Variants in ADAMTS12 observed in about 807,000 individuals in gnomAD.
ADAMTS12 encodes ADAM metallopeptidase with thrombospondin type 1 motif 12, also known as A disintegrin and metalloproteinase with thrombospondin motifs 12.
ADAMTS12 carries 118 observed loss-of-function variants against 167.8 expected under a neutral mutation model. The observed-to-expected ratio is 0.70, with a 90% CI of 0.61 to 0.82. ADAMTS12 has a LOEUF of 0.82. Ranked by LOEUF, ADAMTS12 falls within the 40% of genes least tolerant of loss-of-function variation. The pLI, the probability that ADAMTS12 is intolerant of heterozygous loss-of-function variation, is 0.00. For synonymous variants in ADAMTS12, 704 were observed against 716.9 expected (o/e 0.98, Z 0.29); for missense variants, 1,916 against 1,998.8 (o/e 0.96, Z 0.79).
chr5:33,577,091 A>T lies in ADAMTS12; in HGVS notation c.2935T>A (p.Cys979Ser). ...CTGTTGGGTTTCCTTGTCACATCGC[A>T]AGGTTCATCATGGTTCTTGGCACAT... is the stretch of plus-strand genomic sequence containing the variant. ...VTCAKNHDEP[C>S]DVTRKPNSRA... Residue 979 changes from cysteine (C) to serine (S), a missense_variant, in exon 19 of 24, where the codon TGC becomes AGC. Coordinates refer to ENST00000504830, the MANE Select transcript of ADAMTS12 (RefSeq NM_030955.4). 6.2e-7 allele frequency: 1 copy of T among 1,614,166 alleles called. No homozygotes were observed. The highest frequency in any genetic ancestry group is 2.2e-5 in the East Asian group (1 of 44,878).
At chr5:33,681,720 G>A (rs760234123) in intron 5 of ADAMTS12, among the ~76,000 whole-genome samples, 33 of 152,160 alleles carry the variant, frequency 2.2e-4, no homozygotes, top group Non-Finnish European at 4.1e-4. Context: ...GCATTTACAC[G>A]GGGCATAAGG....
chr5:33,880,923 C>T (rs1018958928), intron 2 of ADAMTS12, 196 bp downstream of exon 2: 1 of 738,080 alleles, frequency 1.4e-6, no homozygotes, highest in Non-Finnish European at 2.1e-6. Flanking sequence ...AGTGCCCTTA[C>T]TCTTTGTATC....
At chr5:33,614,186 C>T (rs917468983) in intron 16 of ADAMTS12, 52 bp downstream of exon 16, 4 of 1,595,150 alleles carry the variant, frequency 2.5e-6, no homozygotes, top group Non-Finnish European at 3.4e-6. Context: ...ATCACCTCTA[C>T]AAACTGCTCT....
At chr5:33,890,290 C>T (rs572253087) in intron 1 of ADAMTS12, among the ~76,000 whole-genome samples, 1 of 152,288 alleles carries the variant, frequency 6.6e-6, no homozygotes, top group South Asian at 2.1e-4. Context: ...GGAGACTTTT[C>T]ACAAAGGAAC....
intron 20 of ADAMTS12, 40 bp downstream of exon 20, chr5:33,560,987 C>T: frequency 6.2e-7 from 1 of 1,607,928 alleles, no homozygotes; most frequent in Non-Finnish European, 8.5e-7. Context: ...CCATCCCCAC[C>T]TTCTCTACCT....
At chr5:33,884,858 T>G (rs1472794770) in intron 1 of ADAMTS12, among the ~76,000 whole-genome samples, 2 of 152,182 alleles carry the variant, frequency 1.3e-5, no homozygotes, top group Admixed American at 1.3e-4. Context: ...TGCATCTCCA[T>G]CAAAACAGAA....
intron 3 of ADAMTS12, among the ~76,000 whole-genome samples, chr5:33,735,566 CT>C (rs1289019225): frequency 1.3e-5 from 2 of 152,308 alleles, no homozygotes; most frequent in East Asian, 3.9e-4. Flanking sequence ...CTGAATTTGG[CT>C]TATGGACTGT....
At chr5:33,611,736 A>G (rs949506946) in intron 16 of ADAMTS12, among the ~76,000 whole-genome samples, 1 of 152,224 alleles carries the variant, frequency 6.6e-6, no homozygotes, top group Non-Finnish European at 1.5e-5. Context: ...TTATCTTTTC[A>G]GCAAATTAAA....
intron 19 of ADAMTS12, among the ~76,000 whole-genome samples, chr5:33,570,760 T>G (rs1268848247): frequency 1.3e-5 from 2 of 149,978 alleles, no homozygotes; most frequent in Non-Finnish European, 1.5e-5. Context: ...TAACTTTAAA[T>G]GTAAATGGAC....
intron 3 of ADAMTS12, among the ~76,000 whole-genome samples, chr5:33,723,728 A>T (rs1195007241): frequency 6.6e-6 from 1 of 152,130 alleles, no homozygotes; most frequent in Non-Finnish European, 1.5e-5. Context: ...CAAATGTTTC[A>T]TGTACTCCCC....
At chr5:33,667,928 T>G (rs1303252337) in intron 5 of ADAMTS12, among the ~76,000 whole-genome samples, 1 of 152,194 alleles carries the variant, frequency 6.6e-6, no homozygotes, top group Non-Finnish European at 1.5e-5. Context: ...CTCAATTAAC[T>G]TCACCATACT....
rs1726535095 is a variant in ADAMTS12 at position 33,694,566 on chromosome 5, G to A, written c.635-10511C>T. On this transcript the variant is annotated intron_variant, in intron 3 of 23. Coordinates refer to ENST00000504830, the MANE Select transcript of ADAMTS12 (RefSeq NM_030955.4). ...AATAAGAGCCAGCATTTCTACTAAG[G>A]AACTACTGACACATAAAGTATAAAG... 2.0e-5 allele frequency among the ~76,000 whole-genome samples: 3 copies of A among 152,140 alleles called. No homozygotes were observed. In the South Asian group the frequency reaches 6.2e-4, roughly 31 times the overall value.
intron 3 of ADAMTS12, among the ~76,000 whole-genome samples, chr5:33,727,500 G>A (rs774802397): frequency 3.3e-5 from 5 of 152,204 alleles, no homozygotes; most frequent in Non-Finnish European, 5.9e-5. Context: ...TCCCTTTCAT[G>A]GGCATTTTCT....
At chr5:33,792,794 G>A (rs192109541) in intron 2 of ADAMTS12, among the ~76,000 whole-genome samples, 27 of 152,350 alleles carry the variant, frequency 1.8e-4, no homozygotes, top group South Asian at 1.0e-3. Flanking sequence ...AACTTGGTGA[G>A]CAGAGTGTGA....
intron 18 of ADAMTS12, among the ~76,000 whole-genome samples, chr5:33,577,401 T>C (rs1316580214): frequency 1.3e-5 from 2 of 152,226 alleles, no homozygotes; most frequent in Non-Finnish European, 2.9e-5. Context: ...AACCATGATG[T>C]AGTCAAACTG....
intron 7 of ADAMTS12, among the ~76,000 whole-genome samples, chr5:33,650,137 T>A (rs1195963327): frequency 6.6e-6 from 1 of 152,234 alleles, no homozygotes; most frequent in East Asian, 1.9e-4. Context: ...GAGAAGCCTC[T>A]GGGAGACTTT....
chr5:33,599,255 T>C (rs1219572774), intron 16 of ADAMTS12, among the ~76,000 whole-genome samples: 1 of 152,206 alleles, frequency 6.6e-6, no homozygotes, highest in Non-Finnish European at 1.5e-5. Context: ...CTTTGTTATA[T>C]ACCAGGAGTA....
chr5:33,563,999 A>G (rs1745878190), intron 19 of ADAMTS12, among the ~76,000 whole-genome samples: 1 of 152,242 alleles, frequency 6.6e-6, no homozygotes, highest in East Asian at 1.9e-4. Flanking sequence ...CAAGGTTTAC[A>G]CCTACTTACA....
At chr5:33,750,525 T>C (rs1744936927) in intron 3 of ADAMTS12, among the ~76,000 whole-genome samples, 1 of 152,206 alleles carries the variant, frequency 6.6e-6, no homozygotes, top group Non-Finnish European at 1.5e-5. Flanking sequence ...GTTTTCCCTT[T>C]GAGGTCCATT....
Sources: allele counts gnomAD v4.1 joint callset (sites outside exome capture counted in the v4.1 genomes callset), GRCh38; gene constraint gnomAD v4.1.1; transcripts MANE v1.5; gene names NCBI Gene and HGNC (gene_info 2026-07-23, HGNC 2026-07-21).